The following TUBA3D variants were observed in gnomAD, a reference collection of about 807,000 sequenced individuals.
TUBA3D encodes the protein tubulin alpha-3D chain.
TUBA3D carries 24 observed loss-of-function variants against 36.1 expected under a neutral mutation model. That is an observed-to-expected ratio of 0.66 (90% CI 0.48 to 0.93). The LOEUF is 0.93. TUBA3D is among the 40% of genes least tolerant of loss of function. The probability of loss-of-function intolerance (pLI) is 0.00; values close to 1 mark genes in which losing one functional copy is unlikely to be tolerated. For missense variants in TUBA3D, 356 were observed against 614.5 expected, an observed-to-expected ratio of 0.58 and a Z score of 4.45; for synonymous variants, 185 against 247.2, an observed-to-expected ratio of 0.75 and a Z score of 2.36.
At chr2:131,477,430 A>C (rs1333035071) in intron 1 of TUBA3D, among the ~76,000 whole-genome samples, 3 of 152,054 alleles carry the variant, frequency 2.0e-5, no homozygotes, top group South Asian at 2.1e-4. Context: ...AGAGAGAGGG[A>C]GTGGTTACAA....
At position 131,482,634 on chromosome 2, in the gene TUBA3D, A is replaced by C; in HGVS notation, c.1139A>C (p.Asn380Thr). ...KVQRAVCMLS[N>T]TTAIAEAWAR... ...CAGCGGGCCGTGTGCATGCTGAGCA[A>C]CACCACGGCCATTGCGGAGGCCTGG... The change falls in exon 5 of 5, where the codon AAC (asparagine) becomes ACC (threonine). Residue 380 changes from asparagine to threonine, a missense_variant. Around this residue, in one of 3 missense-constraint regions of TUBA3D, gnomAD observed 156 missense variants for 219.8 expected, o/e 0.71. Transcript: ENST00000321253. 3 of 1,614,202 alleles carry C rather than the reference A, an allele frequency of 1.9e-6. No individual in the cohort carries two copies. Among genetic ancestry groups the C allele is most frequent in the Non-Finnish European group, 2.5e-6 (3 of 1,180,030 alleles).
Position 131,480,374 on chromosome 2 carries a change from C to T in TUBA3D, c.681C>T (p.Leu227=). ...LDIERPTYTN[L]NRLIGQIVSS... is the part of the protein sequence containing the mutation. ...TTGAACGTCCCACGTACACCAACCT[C>T]AATCGCCTGATTGGGCAGATCGTGT... The change falls in exon 4 of 5, where the codon CTC becomes CTT. Residue 227 remains leucine (L), a synonymous_variant. Coordinates refer to ENST00000321253, the MANE Select transcript of TUBA3D (RefSeq NM_080386.4). The T allele has an allele frequency of 6.2e-7, 1 of 1,608,284 alleles. No individual in the cohort carries two copies. Among genetic ancestry groups the T allele is most frequent in the Non-Finnish European group, 8.5e-7 (1 of 1,179,720 alleles).
chr2:131,476,892 G>A lies in TUBA3D; in HGVS notation c.3+690G>A, dbSNP rs1290373535. On this transcript the variant is annotated intron_variant, in intron 1 of 4. Transcript: ENST00000321253. Reference sequence around the variant, plus strand: ...TGAGGCTGCAGTGAGTCGTGATGGCGCCAGTGCACTCCAGCCTGGGCCACA... The same window carrying A: ...TGAGGCTGCAGTGAGTCGTGATGGCACCAGTGCACTCCAGCCTGGGCCACA... Among the ~76,000 whole-genome samples the A allele has an allele frequency of 3.4e-5, 5 of 148,260 alleles. 1 individual carries two copies. The highest frequency in any genetic ancestry group is 7.4e-5 in the Non-Finnish European group (5 of 67,638).
At position 131,479,338 on chromosome 2, in the gene TUBA3D, T is replaced by A. The variant is rs1309427750; in HGVS notation, c.257T>A (p.Leu86His). The A allele has an allele frequency of 1.2e-6, 2 of 1,613,998 alleles. No individual in the cohort carries two copies. The highest frequency in any genetic ancestry group is 1.7e-6 in the Non-Finnish European group (2 of 1,180,026). Residue 86 changes from leucine to histidine, a missense_variant, in exon 3 of 5, where the codon CTC becomes CAC. Coordinates refer to ENST00000321253, the MANE Select transcript of TUBA3D (RefSeq NM_080386.4). ...GTGCGCACAGGGACCTACAGGCAGC[T>A]CTTCCACCCGGAGCAGCTGATCACC... Reference protein sequence around the residue: ...DEVRTGTYRQLFHPEQLITGK... With the variant: ...DEVRTGTYRQHFHPEQLITGK...
At chr2:131,479,495 G>C (rs142152994) in intron 3 of TUBA3D, 39 bp downstream of exon 3, 82,694 of 1,523,606 alleles carry the variant, frequency 0.054, 4,360 homozygotes, top group Middle Eastern at 0.068. Flanking sequence ...TTTCTTGCAT[G>C]GGAGGGGTAG....
Position 131,480,090 on chromosome 2 carries a change from C to T in TUBA3D, c.397C>T (p.Gln133Ter), listed in dbSNP as rs761856387. Residue 133 changes from glutamine (Q) to a stop codon, truncating the protein, a stop_gained, in exon 4 of 5, where the codon CAG becomes TAG. Transcript: ENST00000321253. LOFTEE classifies it high-confidence loss of function. ...TCAGGCGGATCTGTGCACAGGACTGCAGGGCTTCCTCATCTTCCACAGCTT... is the reference window on the plus strand; with the variant it reads ...TCAGGCGGATCTGTGCACAGGACTGTAGGGCTTCCTCATCTTCCACAGCTT... ...RKLADLCTGLQGFLIFHSFGG... is the reference protein window; with the variant it reads ...RKLADLCTGL The T allele has an allele frequency of 9.3e-6, 15 of 1,604,288 alleles. No homozygotes were observed. Among genetic ancestry groups the T allele is most frequent in the Non-Finnish European group, 1.2e-5 (14 of 1,175,354 alleles).
intron 1 of TUBA3D, among the ~76,000 whole-genome samples, chr2:131,476,980 C>G (rs1273017185): frequency 2.1e-5 from 3 of 145,064 alleles, no homozygotes; most frequent in Non-Finnish European, 3.0e-5. Flanking sequence ...ATTCCCAAGT[C>G]CCAAGTCTGA....
intron 4 of TUBA3D, among the ~76,000 whole-genome samples, chr2:131,481,422 C>A (rs947249116): frequency 2.0e-5 from 3 of 148,604 alleles, no homozygotes; most frequent in African/African-American, 7.5e-5. Context: ...ACATGCAACA[C>A]CATGCCCGGG....
chr2:131,481,140 G>A (rs1438762657), intron 4 of TUBA3D, among the ~76,000 whole-genome samples: 1 of 152,028 alleles, frequency 6.6e-6, no homozygotes, highest in Non-Finnish European at 1.5e-5. Flanking sequence ...CTGACCTCAG[G>A]TGATCTGCCT....
chr2:131,479,339 C>T lies in TUBA3D; in HGVS notation c.258C>T (p.Leu86=), dbSNP rs1391778135. 2.5e-6 allele frequency: 4 copies of T among 1,614,018 alleles called. No individual in the cohort carries two copies. Among genetic ancestry groups the T allele is most frequent in the Non-Finnish European group, 3.4e-6 (4 of 1,180,022 alleles). The change falls in exon 3 of 5, where the codon CTC becomes CTT. Residue 86 remains leucine, a synonymous_variant. Transcript: ENST00000321253. ...DEVRTGTYRQ[L]FHPEQLITGK... Reference sequence around the variant, plus strand: ...TGCGCACAGGGACCTACAGGCAGCTCTTCCACCCGGAGCAGCTGATCACCG... The same window carrying T: ...TGCGCACAGGGACCTACAGGCAGCTTTTCCACCCGGAGCAGCTGATCACCG...
At chr2:131,477,196 C>G (rs1160927318) in intron 1 of TUBA3D, among the ~76,000 whole-genome samples, 1 of 151,636 alleles carries the variant, frequency 6.6e-6, no homozygotes, top group Non-Finnish European at 1.5e-5. Flanking sequence ...TGCCACCACA[C>G]CTGGCTAATT....
rs553733940 is a variant in TUBA3D, at chr2:131,482,812, C to T, written c.1317C>T (p.Ser439=). Residue 439 remains serine, a synonymous_variant, in exon 5 of 5, where the codon TCC becomes TCT. Transcript: ENST00000321253. ...EKDYEEVGVD[S]VEAEAEEGEE... ...ATTATGAAGAGGTGGGCGTGGATTC[C>T]GTGGAAGCTGAGGCTGAAGAAGGCG... 241 of 1,613,732 alleles carry T rather than the reference C, an allele frequency of 1.5e-4. No individual in the cohort carries two copies. The highest frequency in any genetic ancestry group is 1.9e-4 in the Non-Finnish European group (227 of 1,179,664).
Position 131,480,395 on chromosome 2 carries a change from C to T in TUBA3D, c.702C>T (p.Ile234=), listed in dbSNP as rs200918853. Residue 234 remains isoleucine (I), a synonymous_variant, in exon 4 of 5, where the codon ATC becomes ATT. Coordinates refer to ENST00000321253, the MANE Select transcript of TUBA3D (RefSeq NM_080386.4). ...YTNLNRLIGQ[I]VSSITASLRF... Reference sequence around the variant, plus strand: ...ACCTCAATCGCCTGATTGGGCAGATCGTGTCCTCCATCACAGCCTCCCTGC... The same window carrying T: ...ACCTCAATCGCCTGATTGGGCAGATTGTGTCCTCCATCACAGCCTCCCTGC... The T allele has an allele frequency of 1.8e-4, 285 of 1,599,988 alleles. 3 individuals carry two copies. The highest frequency in any genetic ancestry group is 3.1e-5 in the Non-Finnish European group (36 of 1,176,962).
chr2:131,476,817 T>C (rs1678688006), intron 1 of TUBA3D, among the ~76,000 whole-genome samples: 1 of 151,226 alleles, frequency 6.6e-6, no homozygotes, highest in African/African-American at 2.5e-5. Flanking sequence ...AGTCTGTGGT[T>C]CCAGCTACTC....
At chr2:131,478,496 G>T (rs2105269452) in intron 2 of TUBA3D, 110 bp downstream of exon 2, 9 of 1,361,890 alleles carry the variant, frequency 6.6e-6, no homozygotes, top group Non-Finnish European at 8.9e-6. Context: ...GGATAGACAG[G>T]CATATGCCCA....
intron 4 of TUBA3D, among the ~76,000 whole-genome samples, chr2:131,481,714 C>T (rs972513179): frequency 7.2e-5 from 11 of 151,820 alleles, no homozygotes; most frequent in African/African-American, 2.4e-4. Context: ...ATTACAGGCA[C>T]GAGCCACTGC....
intron 4 of TUBA3D, among the ~76,000 whole-genome samples, chr2:131,481,654 C>T (rs1244337636): frequency 1.3e-5 from 2 of 152,020 alleles, no homozygotes; most frequent in South Asian, 2.1e-4. Context: ...AGGCTGGTCT[C>T]GAACTCCTGG....
In TUBA3D at chr2:131,482,877, C is replaced by G. The variant is rs768500922; in HGVS notation, c.*29C>G. The stretch of plus-strand genomic sequence containing the variant: ...GAGGGTGTGGTGGGTTCTCCCCTGC[C>G]ACCCCCGGGATGGCTGCTTCCAAGT... On this transcript the variant is annotated 3_prime_UTR_variant, in exon 5 of 5. Coordinates refer to ENST00000321253, the MANE Select transcript of TUBA3D (RefSeq NM_080386.4). 3 of 1,600,080 alleles carry G rather than the reference C, an allele frequency of 1.9e-6. No individual in the cohort carries two copies. In the South Asian group the frequency reaches 3.4e-5, roughly 18 times the overall value.
rs199850206 is a variant in TUBA3D, at chr2:131,480,909, TC to T, written c.1056+161del. Reference sequence around the variant, plus strand: ...AGAGTTGATAATTGATTCAGTGATTTCTTTTTTTTTTTTTGAGACAGTCTTG... The same window carrying T: ...AGAGTTGATAATTGATTCAGTGATTTTTTTTTTTTTTTTGAGACAGTCTTG... On this transcript the variant is annotated intron_variant, in intron 4 of 4. Transcript: ENST00000321253. 1.1e-3 allele frequency among the ~76,000 whole-genome samples: 161 copies of T among 151,354 alleles called. 1 individual carries two copies. Among genetic ancestry groups the T allele is most frequent in the African/African-American group, 3.3e-3 (134 of 41,090 alleles).
Sources: allele counts gnomAD v4.1 joint callset (sites outside exome capture counted in the v4.1 genomes callset), GRCh38; gene constraint gnomAD v4.1.1; regional missense constraint gnomAD v4.1.1; transcripts MANE v1.5; gene names NCBI Gene and HGNC (gene_info 2026-07-23, HGNC 2026-07-21).